The following TTYH2 variants were observed in gnomAD, a reference collection of about 807,000 sequenced individuals.
The protein encoded by TTYH2 is protein tweety homolog 2.
TTYH2 carries 49 observed loss-of-function variants against 68.3 expected under a neutral mutation model. That is an observed-to-expected ratio of 0.72 (90% CI 0.57 to 0.91). The LOEUF (loss-of-function observed/expected upper bound fraction) is 0.91. Among genes scored for constraint, TTYH2 ranks in the 40% least tolerant of loss-of-function variants. The probability of loss-of-function intolerance (pLI) is 0.00; values close to 1 mark genes in which losing one functional copy is unlikely to be tolerated. For missense variants in TTYH2, 631 were observed against 700.4 expected, an observed-to-expected ratio of 0.90 and a Z score of 1.12; for synonymous variants, 272 against 300.8, an observed-to-expected ratio of 0.90 and a Z score of 0.99.
chr17:74,248,665 C>A (rs2050586426), intron 6 of TTYH2: 3 of 1,159,796 alleles, frequency 2.6e-6, no homozygotes, highest in South Asian at 2.9e-5. Context: ...AGGATGCTGG[C>A]CCCCAAAGGT....
intron 2 of TTYH2, among the ~76,000 whole-genome samples, chr17:74,223,298 GT>G (rs2050297508): frequency 8.5e-4 from 122 of 142,934 alleles, no homozygotes; most frequent in African/African-American, 2.4e-3. Context: ...GGGGCGGGGG[GT>G]GGGCGGGGAA....
intron 2 of TTYH2, among the ~76,000 whole-genome samples, chr17:74,230,430 A>G (rs955750793): frequency 2.6e-5 from 4 of 151,906 alleles, no homozygotes; most frequent in Non-Finnish European, 5.9e-5. Flanking sequence ...AAACCTATAG[A>G]ATGTGCAACG....
rs1475946430 is a variant in TTYH2 at position 74,252,260 on chromosome 17, C to T, written c.1143C>T (p.Ile381=). The T allele has an allele frequency of 6.2e-7, 1 of 1,613,434 alleles. No homozygotes were observed. The highest frequency in any genetic ancestry group is 8.5e-7 in the Non-Finnish European group (1 of 1,180,040). ...ATTATCTGGACGCTCTTGCTGGCATCTGCTACGACGGCCTCCAGGGCTTGC... is the reference window on the plus strand; with the variant it reads ...ATTATCTGGACGCTCTTGCTGGCATTTGCTACGACGGCCTCCAGGGCTTGC... ...HKDYLDALAG[I]CYDGLQGLLY... Residue 381 remains isoleucine (I), a synonymous_variant, in exon 11 of 14, where the codon ATC becomes ATT. Coordinates refer to ENST00000269346, the MANE Select transcript of TTYH2 (RefSeq NM_032646.6).
At chr17:74,227,720 CAG>C (rs1402480698) in intron 2 of TTYH2, among the ~76,000 whole-genome samples, 1 of 150,504 alleles carries the variant, frequency 6.6e-6, no homozygotes, top group African/African-American at 2.4e-5. Flanking sequence ...AAGAGAGAGA[CAG>C]AGATACGTAA....
In TTYH2 at chr17:74,242,281, G is replaced by A. The variant is rs938492091; in HGVS notation, c.636-1093G>A. Among the ~76,000 whole-genome samples, 11 of 152,276 alleles carry A rather than the reference G, an allele frequency of 7.2e-5. No homozygotes were observed. In the East Asian group the frequency reaches 7.7e-4, roughly 11 times the overall value. ...TGTAGGTACCCTGACCTGGACTCCC[G>A]GGTTCCACACTGAGCCCTCTGATGG... On this transcript the variant is annotated intron_variant, in intron 4 of 13. Transcript: ENST00000269346.
rs371282263 is a variant in TTYH2 at position 74,243,749 on chromosome 17, G to A, written c.732-228G>A. Among the ~76,000 whole-genome samples, 34 of 152,318 alleles carry A rather than the reference G, an allele frequency of 2.2e-4. 1 individual carries two copies. The South Asian group carries it at 3.5e-3, about 16-fold the overall frequency. On this transcript the variant is annotated intron_variant, in intron 5 of 13. Transcript: ENST00000269346. Reference sequence around the variant, plus strand: ...GGTCCGTGCATGAAAGCCTCTGGCCGTCTTAGCCAACACTGCCCCCTTAGC... The same window carrying A: ...GGTCCGTGCATGAAAGCCTCTGGCCATCTTAGCCAACACTGCCCCCTTAGC...
At position 74,247,284 on chromosome 17, in the gene TTYH2, G is replaced by C. The variant is rs150621029; in HGVS notation, c.805-1727G>C. Among the ~76,000 whole-genome samples, 21 of 152,134 alleles carry C rather than the reference G, an allele frequency of 1.4e-4. No homozygotes were observed. The East Asian group carries it at 2.7e-3, about 20-fold the overall frequency. On this transcript the variant is annotated intron_variant, in intron 6 of 13. Transcript: ENST00000269346. ...CCGTGACTCAGTTACCTCCCACCAG[G>C]TCCCTCCCATAACATGTGGGAATTC...
In TTYH2 at chr17:74,230,941, A is replaced by C; in HGVS notation, c.356A>C (p.Tyr119Ser). Residue 119 changes from tyrosine to serine, a missense_variant, in exon 3 of 14, where the codon TAC becomes TCC. Coordinates refer to ENST00000269346, the MANE Select transcript of TTYH2 (RefSeq NM_032646.6). ...AACAGCGAGACCAACGATGGGGCGT[A>C]CCAGCTGATGTACTCCTTGGACGAT... ...YGNSETNDGA[Y>S]QLMYSLDDAN... 1 of 1,614,174 alleles carries C rather than the reference A, an allele frequency of 6.2e-7. No homozygotes were observed. Among genetic ancestry groups the C allele is most frequent in the Admixed American group, 1.7e-5 (1 of 60,026 alleles).
At chr17:74,248,379 C>G (rs930603388) in intron 6 of TTYH2, 3 of 986,676 alleles carry the variant, frequency 3.0e-6, no homozygotes, top group African/African-American at 1.7e-5. Context: ...TTAGCCAGGC[C>G]GTGCTGTGGG....
chr17:74,214,765 C>T lies in TTYH2; in HGVS notation c.129+1049C>T, dbSNP rs1485530980. 6.6e-6 allele frequency among the ~76,000 whole-genome samples: 1 copy of T among 152,226 alleles called. No individual in the cohort carries two copies. The highest frequency in any genetic ancestry group is 2.4e-5 in the African/African-American group (1 of 41,466). On this transcript the variant is annotated intron_variant, in intron 1 of 13. Transcript: ENST00000269346. This position sits in a 1 kb window ranked among gnomAD's most constrained non-coding sequence, Gnocchi z 4.6. ...GTCCATTTATTCAGAGCCAGGCGCC[C>T]ATCTCAGGACTTTGGCCCCCGGCGG...
chr17:74,243,492 C>G, intron 5 of TTYH2, 23 bp downstream of exon 5: 1 of 1,610,364 alleles, frequency 6.2e-7, no homozygotes, highest in Non-Finnish European at 8.5e-7. Flanking sequence ...ACCCGTGGAC[C>G]TGGGACAAAG....
chr17:74,213,825 C>G lies in TTYH2; in HGVS notation c.129+109C>G. 1 of 1,375,256 alleles carries G rather than the reference C, an allele frequency of 7.3e-7. No homozygotes were observed. The highest frequency in any genetic ancestry group is 1.5e-5 in the African/African-American group (1 of 68,138). The allele number at this position is 1,375,256 out of a possible 1,614,324, so 85.2% of individuals were successfully genotyped here. A position where few individuals can be genotyped will look rare whatever the true frequency, so the allele number is the denominator to read the frequency against. On this transcript the variant is annotated intron_variant, in intron 1 of 13. Transcript: ENST00000269346. The surrounding 1 kb of genome is among the most constrained non-coding windows in gnomAD (Gnocchi z 6.1). Reference sequence around the variant, plus strand: ...CCCACGTGCCTCTCAGACCCCTTCTCTCCCCGCGCAGCCCTTTCCCGTCTC... The same window carrying G: ...CCCACGTGCCTCTCAGACCCCTTCTGTCCCCGCGCAGCCCTTTCCCGTCTC...
intron 3 of TTYH2, among the ~76,000 whole-genome samples, chr17:74,234,647 CT>C (rs528709027): frequency 0.011 from 1,598 of 151,800 alleles, 19 homozygotes; most frequent in African/African-American, 0.035. Flanking sequence ...ATACTGCCTT[CT>C]TTTTTTTTCC....
chr17:74,222,591 T>C lies in TTYH2; in HGVS notation c.236T>C (p.Val79Ala), dbSNP rs1266658236. The C allele has an allele frequency of 6.2e-7, 1 of 1,612,352 alleles. No homozygotes were observed. The highest frequency in any genetic ancestry group is 8.5e-7 in the Non-Finnish European group (1 of 1,179,994). ...TGCCACTGCCGGCGGGACGATGCGG[T>C]GCAGACCAAGCAGCACCACTCCTGC... The part of the protein sequence containing the change: ...CACHCRRDDA[V>A]QTKQHHSCCI... Residue 79 changes from valine (V) to alanine (A), a missense_variant, in exon 2 of 14, where the codon GTG (valine) becomes GCG (alanine). By Grantham distance (64) the Val-to-Ala change is moderately conservative. Transcript: ENST00000269346. This position sits in a 1 kb window ranked among gnomAD's most constrained non-coding sequence, Gnocchi z 5.2.
At chr17:74,220,099 G>T (rs1410694204) in intron 1 of TTYH2, among the ~76,000 whole-genome samples, 2 of 151,892 alleles carry the variant, frequency 1.3e-5, no homozygotes, top group Admixed American at 6.6e-5. Flanking sequence ...TCCCATCCCA[G>T]CATCCCCAGT....
chr17:74,230,875 AT>A lies in TTYH2; in HGVS notation c.303-12del, dbSNP rs772749097. The A allele has an allele frequency of 5.6e-6, 9 of 1,613,528 alleles. No homozygotes were observed. Among genetic ancestry groups the A allele is most frequent in the Middle Eastern group, 1.6e-4 (1 of 6,078 alleles). ...GTATCACCTCTAACCTCTGTTTGGG[AT>A]CTTGCTTATAGTGCTGCGGTGGGCG... On this transcript the variant is annotated splice_polypyrimidine_tract_variant and intron_variant, in intron 2 of 13. Transcript: ENST00000269346.
intron 2 of TTYH2, among the ~76,000 whole-genome samples, chr17:74,229,916 A>G (rs1234405340): frequency 6.6e-6 from 1 of 152,170 alleles, no homozygotes; most frequent in East Asian, 1.9e-4. Context: ...GGATCACCTG[A>G]GGTCAGGAGT....
intron 10 of TTYH2, chr17:74,251,761 T>C: frequency 6.1e-6 from 1 of 162,952 alleles, no homozygotes; most frequent in Admixed American, 6.2e-5. Context: ...TCCCACACCC[T>C]CCAATGTCTT....
chr17:74,222,397 T>G lies in TTYH2; in HGVS notation c.130-88T>G. 7.0e-7 allele frequency: 1 copy of G among 1,423,072 alleles called. No homozygotes were observed. The highest frequency in any genetic ancestry group is 1.4e-5 in the South Asian group (1 of 73,568). 88.2% of individuals were successfully genotyped at this position (1,423,072 alleles called of 1,614,324 possible). Reference sequence around the variant, plus strand: ...TGGACGAGAGATGCAGCTCAGGCAGTGGGGCACTCAGGGCCCAAGGGCAGG... The same window carrying G: ...TGGACGAGAGATGCAGCTCAGGCAGGGGGGCACTCAGGGCCCAAGGGCAGG... On this transcript the variant is annotated intron_variant, in intron 1 of 13. Coordinates refer to ENST00000269346, the MANE Select transcript of TTYH2 (RefSeq NM_032646.6). The surrounding 1 kb of genome is among the most constrained non-coding windows in gnomAD (Gnocchi z 5.2).
Sources: allele counts gnomAD v4.1 joint callset (sites outside exome capture counted in the v4.1 genomes callset), GRCh38; gene constraint gnomAD v4.1.1; non-coding constraint Gnocchi (gnomAD v3.1); transcripts MANE v1.5; gene names NCBI Gene and HGNC (gene_info 2026-07-23, HGNC 2026-07-21).